Variants in IL1RAPL1 observed in about 807,000 individuals in gnomAD.
IL1RAPL1 encodes interleukin-1 receptor accessory protein-like 1.
In IL1RAPL1, 3 loss-of-function variants were observed where a neutral mutation model predicts 48.4. The ratio of observed to expected loss-of-function variants is 0.06; its 90% CI spans 0.03 to 0.16. The LOEUF (loss-of-function observed/expected upper bound fraction) is 0.16, where lower values mean the gene tolerates loss of function less well. Among genes scored for constraint, IL1RAPL1 ranks in the 10% least tolerant of loss-of-function variants. The pLI, the probability that IL1RAPL1 is intolerant of heterozygous loss-of-function variation, is 1.00. For missense variants in IL1RAPL1, 349 were observed against 530.6 expected (o/e 0.66, Z 3.36); for synonymous variants, 185 against 187.7 (o/e 0.99, Z 0.12).
chrX:28,981,660 C>T (rs995811598), intron 2 of IL1RAPL1, among the ~76,000 whole-genome samples: 5 of 111,765 alleles, frequency 4.5e-5, no homozygotes, highest in Non-Finnish European at 1.9e-5. Flanking sequence ...CTCCTCCCAG[C>T]CTTGTCTTCC....
At chrX:29,844,967 C>G (rs1026455674) in intron 6 of IL1RAPL1, among the ~76,000 whole-genome samples, 1 of 111,969 alleles carries the variant, frequency 8.9e-6, no homozygotes, top group African/African-American at 3.2e-5. Flanking sequence ...GGTGCATTTA[C>G]ATGCCAACAA....
intron 1 of IL1RAPL1, among the ~76,000 whole-genome samples, chrX:28,599,719 T>C (rs768717440): frequency 4.5e-5 from 5 of 111,978 alleles, no homozygotes; most frequent in Non-Finnish European, 7.5e-5. Flanking sequence ...GTTCTTGCCA[T>C]CTAAAGCTTA....
chrX:28,884,082 G>A (rs1034366131), intron 2 of IL1RAPL1, among the ~76,000 whole-genome samples: 4 of 111,655 alleles, frequency 3.6e-5, no homozygotes, highest in Non-Finnish European at 5.7e-5. Flanking sequence ...GCTAGATGAC[G>A]AGTTAGTGGG....
intron 2 of IL1RAPL1, among the ~76,000 whole-genome samples, chrX:29,152,026 A>T (rs1475486936): frequency 8.9e-6 from 1 of 111,938 alleles, no homozygotes; most frequent in African/African-American, 3.2e-5. Flanking sequence ...TATAAAGAAA[A>T]AGAGGTTTGA....
At chrX:28,921,061 A>G (rs919701656) in intron 2 of IL1RAPL1, among the ~76,000 whole-genome samples, 2 of 111,451 alleles carry the variant, frequency 1.8e-5, no homozygotes, top group African/African-American at 6.5e-5. Context: ...GATTGAGATT[A>G]GAATGTGAAG....
At chrX:29,434,683 A>G (rs1387469738) in intron 5 of IL1RAPL1, among the ~76,000 whole-genome samples, 1 of 111,140 alleles carries the variant, frequency 9.0e-6, no homozygotes, top group Non-Finnish European at 1.9e-5. Context: ...AGATTTGGGG[A>G]CTTTTTGTTG....
chrX:29,588,466 G>C (rs949287428), intron 5 of IL1RAPL1, among the ~76,000 whole-genome samples: 1 of 112,433 alleles, frequency 8.9e-6, no homozygotes, highest in Non-Finnish European at 1.9e-5. Flanking sequence ...CACTGAAATA[G>C]TCTAGAAGCT....
chrX:28,733,472 G>A (rs945010143), intron 1 of IL1RAPL1, among the ~76,000 whole-genome samples: 9 of 110,597 alleles, frequency 8.1e-5, no homozygotes, highest in South Asian at 3.9e-4. Context: ...CCAAGGTCCC[G>A]AATGTCCTCC....
intron 6 of IL1RAPL1, among the ~76,000 whole-genome samples, chrX:29,861,991 C>T (rs1283276600): frequency 1.8e-5 from 2 of 109,539 alleles, no homozygotes; most frequent in Non-Finnish European, 3.8e-5. Context: ...TTGCTTGAGC[C>T]CAGAAGTTCG....
intron 1 of IL1RAPL1, among the ~76,000 whole-genome samples, chrX:28,630,804 G>A (rs1934390812): frequency 8.9e-6 from 1 of 112,105 alleles, no homozygotes; most frequent in South Asian, 3.7e-4. Flanking sequence ...GATATATTAT[G>A]TGGGGATCAT....
intron 1 of IL1RAPL1, among the ~76,000 whole-genome samples, chrX:28,747,792 T>G (rs1935996494): frequency 8.9e-6 from 1 of 112,109 alleles, no homozygotes; most frequent in African/African-American, 3.2e-5. Context: ...GTTCTGAGTA[T>G]TTATACATTG....
rs758026182 is a variant in IL1RAPL1 at position 29,955,647 on chromosome X, C to G, written c.1918C>G (p.Leu640Val). The G allele has an allele frequency of 2.5e-6, 3 of 1,209,179 alleles. No individual in the cohort carries two copies. The highest frequency in any genetic ancestry group is 3.4e-6 in the Non-Finnish European group (3 of 894,729). ...CGTACCTCCTACCGGCACCCTGCCT[C>G]TTACCTCCATAGGCAATCAGCATAC... ...YDVPPTGTLP[L>V]TSIGNQHTYC... The change falls in exon 11 of 11, where the codon CTT becomes GTT. Residue 640 changes from leucine to valine, a missense_variant. Transcript: ENST00000378993.
intron 1 of IL1RAPL1, among the ~76,000 whole-genome samples, chrX:28,704,385 A>C (rs935170778): frequency 2.2e-4 from 23 of 105,041 alleles, no homozygotes; most frequent in African/African-American, 8.0e-4. Context: ...CCACATCTGC[A>C]TATATTTTTA....
chrX:29,690,826 T>C (rs1161908990), intron 6 of IL1RAPL1, among the ~76,000 whole-genome samples: 1 of 112,016 alleles, frequency 8.9e-6, no homozygotes, highest in East Asian at 2.8e-4. Context: ...AAGTATATAT[T>C]ATCAAGTTAA....
At position 29,860,552 on chromosome X, in the gene IL1RAPL1, C is replaced by T. The variant is rs150335963; in HGVS notation, c.779-56912C>T. 3.6e-5 allele frequency among the ~76,000 whole-genome samples: 4 copies of T among 110,728 alleles called. No homozygotes were observed. The East Asian group carries it at 1.1e-3, about 31-fold the overall frequency. On this transcript the variant is annotated intron_variant, in intron 6 of 10. Transcript: ENST00000378993. ...CAGGCCCGTGTGTGATGTTCCCCCTCTCTGTGTCCATGTGTTCTCATTGTT... is the reference window on the plus strand; with the variant it reads ...CAGGCCCGTGTGTGATGTTCCCCCTTTCTGTGTCCATGTGTTCTCATTGTT...
intron 1 of IL1RAPL1, among the ~76,000 whole-genome samples, chrX:28,714,310 A>G (rs1753693608): frequency 9.0e-6 from 1 of 111,202 alleles, no homozygotes; most frequent in Admixed American, 9.7e-5. Context: ...CATTTTAGAT[A>G]CTCCAATCTT....
chrX:29,430,349 C>T (rs925683416), intron 5 of IL1RAPL1, among the ~76,000 whole-genome samples: 2 of 110,892 alleles, frequency 1.8e-5, no homozygotes, highest in Admixed American at 1.9e-4. Flanking sequence ...AATGTTTCAT[C>T]GAAAAATAAT....
chrX:29,686,821 G>A (rs1260124122), intron 6 of IL1RAPL1, among the ~76,000 whole-genome samples: 1 of 110,323 alleles, frequency 9.1e-6, no homozygotes, highest in Non-Finnish European at 1.9e-5. Flanking sequence ...GCCTCCCAAA[G>A]TGCTGGGATC....
chrX:28,769,037 T>A (rs1936282754), intron 1 of IL1RAPL1, among the ~76,000 whole-genome samples: 1 of 107,251 alleles, frequency 9.3e-6, no homozygotes, highest in South Asian at 4.1e-4. Flanking sequence ...TCAAATGAGT[T>A]CGAGTGTGAA....
Sources: gnomAD v4.1 joint callset for allele counts (sites outside exome capture counted in the v4.1 genomes callset) on GRCh38, gnomAD v4.1.1 for gene constraint, MANE v1.5 for transcripts, NCBI Gene and HGNC (gene_info 2026-07-23, HGNC 2026-07-21) for gene names.